Variants in ARL15 observed in about 807,000 individuals in gnomAD.
ARL15 encodes the protein ARF like GTPase 15.
A neutral mutation model predicts 25.2 loss-of-function variants in ARL15; 19 were observed. The ratio of observed to expected loss-of-function variants is 0.75; its 90% CI spans 0.53 to 1.10. ARL15 has a LOEUF of 1.10. Ranked by LOEUF, ARL15 falls within the 50% of genes least tolerant of loss-of-function variation. The pLI, the probability that ARL15 is intolerant of heterozygous loss-of-function variation, is 0.00. For synonymous variants in ARL15, 94 were observed against 86.8 expected, an observed-to-expected ratio of 1.08 and a Z score of -0.46; for missense variants, 220 against 246.0, an observed-to-expected ratio of 0.89 and a Z score of 0.71.
At position 53,960,907 on chromosome 5, in the gene ARL15, A is replaced by T. The variant is rs181097090; in HGVS notation, c.463-74194T>A. Among the ~76,000 whole-genome samples, 658 of 152,168 alleles carry T rather than the reference A, an allele frequency of 4.3e-3. 7 individuals carry two copies. Among genetic ancestry groups the T allele is most frequent in the African/African-American group, 0.015 (632 of 41,500 alleles). ...GATCCTGAGGCTGTCTTTATTTGTA[A>T]CCTTCTCTAAAGCACCTATCACTGC... On this transcript the variant is annotated intron_variant, in intron 4 of 4. Transcript: ENST00000504924.
chr5:54,058,504 A>T (rs531276409), intron 4 of ARL15, among the ~76,000 whole-genome samples: 2 of 152,362 alleles, frequency 1.3e-5, no homozygotes, highest in African/African-American at 4.8e-5. Flanking sequence ...CAGTGTGATA[A>T]ACAGCAACAA....
At chr5:54,227,567 C>T (rs72754232) in intron 1 of ARL15, among the ~76,000 whole-genome samples, 20,005 of 152,112 alleles carry the variant, frequency 0.13, 1,662 homozygotes, top group East Asian at 0.4. Context: ...TAAATCCCAC[C>T]AACTGAATGA....
At chr5:53,898,575 T>C (rs1744947444) in intron 4 of ARL15, among the ~76,000 whole-genome samples, 1 of 152,198 alleles carries the variant, frequency 6.6e-6, no homozygotes, top group Non-Finnish European at 1.5e-5. Context: ...ATCTAGTTAT[T>C]TGGCAAACAA....
At chr5:53,957,716 C>T (rs1402531658) in intron 4 of ARL15, among the ~76,000 whole-genome samples, 1 of 151,894 alleles carries the variant, frequency 6.6e-6, no homozygotes, top group Non-Finnish European at 1.5e-5. Flanking sequence ...CCCAGCTACT[C>T]AGGAGGCTGA....
At position 54,004,308 on chromosome 5, in the gene ARL15, C is replaced by G. The variant is rs1488959018; in HGVS notation, c.462+108894G>C. On this transcript the variant is annotated intron_variant, in intron 4 of 4. Transcript: ENST00000504924. ...AAGAGATCGAGACCATCCTGGCCAACATGGTGAAACCCCGTCTCTATTAAA... is the reference window on the plus strand; with the variant it reads ...AAGAGATCGAGACCATCCTGGCCAAGATGGTGAAACCCCGTCTCTATTAAA... 5.3e-5 allele frequency among the ~76,000 whole-genome samples: 8 copies of G among 152,180 alleles called. No individual in the cohort carries two copies. In the East Asian group the frequency reaches 1.5e-3, roughly 29 times the overall value.
At chr5:54,230,221 C>G (rs188288288) in intron 1 of ARL15, among the ~76,000 whole-genome samples, 1 of 151,874 alleles carries the variant, frequency 6.6e-6, no homozygotes, top group African/African-American at 2.4e-5. Context: ...GTGGCAGGTG[C>G]CTGTAGTCCC....
intron 1 of ARL15, among the ~76,000 whole-genome samples, chr5:54,255,033 T>C (rs1757330395): frequency 6.6e-6 from 1 of 152,208 alleles, no homozygotes; most frequent in South Asian, 2.1e-4. Context: ...TCTGGAAACA[T>C]GGCACAGAGT....
chr5:54,184,140 C>A, intron 1 of ARL15, among the ~76,000 whole-genome samples: 1 of 125,898 alleles, frequency 7.9e-6, no homozygotes. Context: ...GGGAGATATA[C>A]CTAATGCTAA....
Position 53,884,181 on chromosome 5 carries a change from CT to C in ARL15, c.*2379del, listed in dbSNP as rs1349657032. 6.6e-6 allele frequency: 1 copy of C among 152,152 alleles called. No homozygotes were observed. Among genetic ancestry groups the C allele is most frequent in the East Asian group, 1.9e-4 (1 of 5,200 alleles). 9.4% of individuals were successfully genotyped at this position (152,152 alleles called of 1,614,324 possible). A position where few individuals can be genotyped will look rare whatever the true frequency, so the allele number is the denominator to read the frequency against. ...ATTAATTGCCATTACAAAAAGGCAA[CT>C]GCTTTAGCTAAGAAGGTACAAAAAC... On this transcript the variant is annotated 3_prime_UTR_variant, in exon 5 of 5. Coordinates refer to ENST00000504924, the MANE Select transcript of ARL15 (RefSeq NM_019087.3).
chr5:54,092,721 C>T (rs1752167678), intron 4 of ARL15, among the ~76,000 whole-genome samples: 1 of 152,160 alleles, frequency 6.6e-6, no homozygotes. Context: ...CTGCTCTCTC[C>T]CTTACTGGGC....
chr5:54,212,733 A>G (rs984193368), intron 1 of ARL15, among the ~76,000 whole-genome samples: 1 of 152,226 alleles, frequency 6.6e-6, no homozygotes, highest in Admixed American at 6.5e-5. Flanking sequence ...TGAACTAATT[A>G]GTCAAATGGA....
chr5:54,272,980 G>A lies in ARL15; in HGVS notation c.48+37452C>T, dbSNP rs148809654. Among the ~76,000 whole-genome samples the A allele has an allele frequency of 3.3e-3, 504 of 152,224 alleles. 7 individuals carry two copies. The highest frequency in any genetic ancestry group is 0.024 in the Admixed American group (366 of 15,274). On this transcript the variant is annotated intron_variant, in intron 1 of 4. Coordinates refer to ENST00000504924, the MANE Select transcript of ARL15 (RefSeq NM_019087.3). ...GGAACTCTTAAATCTGCCTTCAAAAGTGCAACAGTCTAGCCACAAGAACTA... is the reference window on the plus strand; with the variant it reads ...GGAACTCTTAAATCTGCCTTCAAAAATGCAACAGTCTAGCCACAAGAACTA...
intron 1 of ARL15, among the ~76,000 whole-genome samples, chr5:54,192,642 C>T (rs929796779): frequency 1.7e-4 from 20 of 117,280 alleles, no homozygotes; most frequent in African/African-American, 2.4e-4. Flanking sequence ...TAAGGTCATG[C>T]TAATGACAAA....
At chr5:54,185,227 C>T (rs549336364) in intron 1 of ARL15, among the ~76,000 whole-genome samples, 5 of 152,150 alleles carry the variant, frequency 3.3e-5, no homozygotes, top group Non-Finnish European at 4.4e-5. Flanking sequence ...ATTCTCTTTC[C>T]GGCTCCATGT....
intron 1 of ARL15, chr5:54,282,294 C>T (rs182962081): frequency 1.0e-6 from 1 of 985,402 alleles, no homozygotes; most frequent in East Asian, 1.1e-4. Flanking sequence ...ATTCTACAAA[C>T]AGCAAATGAG....
intron 3 of ARL15, among the ~76,000 whole-genome samples, chr5:54,141,379 CT>C (rs561100656): frequency 1.3e-5 from 2 of 151,842 alleles, no homozygotes; most frequent in South Asian, 2.1e-4. Context: ...TTTTTTCAAG[CT>C]TTTTTTACCT....
intron 4 of ARL15, among the ~76,000 whole-genome samples, chr5:53,934,397 T>C (rs533880216): frequency 1.3e-5 from 2 of 150,618 alleles, no homozygotes; most frequent in South Asian, 4.3e-4. Context: ...TTTTATTGTT[T>C]AACTGAAATT....
At chr5:54,300,773 T>C (rs1385470307) in intron 1 of ARL15, among the ~76,000 whole-genome samples, 2 of 152,204 alleles carry the variant, frequency 1.3e-5, no homozygotes, top group African/African-American at 2.4e-5. Context: ...GATCAGGACA[T>C]CTTCCTAACT....
chr5:54,012,428 G>C (rs989588884), intron 4 of ARL15, among the ~76,000 whole-genome samples: 3 of 151,966 alleles, frequency 2.0e-5, no homozygotes, highest in Non-Finnish European at 2.9e-5. Flanking sequence ...ATTTAGTTTT[G>C]TCTTGAATGA....
Sources: gnomAD v4.1 joint callset for allele counts (sites outside exome capture counted in the v4.1 genomes callset) on GRCh38, gnomAD v4.1.1 for gene constraint, MANE v1.5 for transcripts, NCBI Gene and HGNC (gene_info 2026-07-23, HGNC 2026-07-21) for gene names.